The following BLTP1 variants were observed in gnomAD, a reference collection of about 807,000 sequenced individuals.
BLTP1 encodes the protein bridge-like lipid transfer protein family member 1.
the BLTP1 span, chr4:122,219,276 C>G: frequency 6.4e-7 from 1 of 1,566,184 alleles, no homozygotes; most frequent in Non-Finnish European, 8.6e-7. Flanking sequence ...AATTTAGGCT[C>G]ATAGGTGAAA....
the BLTP1 span, chr4:122,162,542 A>G: frequency 3.0e-6 from 3 of 985,284 alleles, no homozygotes; most frequent in African/African-American, 5.2e-5. Flanking sequence ...AGTTAATCAA[A>G]TCTTGCTGAG....
the BLTP1 span, chr4:122,211,221 T>C: frequency 3.7e-6 from 3 of 812,474 alleles, no homozygotes; most frequent in South Asian, 1.8e-5. Flanking sequence ...ATACCAGATA[T>C]GTTGACTGGA....
At chr4:122,276,072 A>G in the BLTP1 span, 1 of 1,431,486 alleles carries the variant, frequency 7.0e-7, no homozygotes, top group Admixed American at 2.5e-5. Flanking sequence ...GTAGTATTGA[A>G]TAGTTTTTAA....
chr4:122,298,572 T>C, the BLTP1 span: 1 of 761,206 alleles, frequency 1.3e-6, no homozygotes, highest in Non-Finnish European at 1.6e-6. Flanking sequence ...TATTCAGAAC[T>C]TTAAAAACAT....
chr4:122,348,627 G>A, the BLTP1 span: 1 of 1,611,134 alleles, frequency 6.2e-7, no homozygotes, highest in East Asian at 2.2e-5. Flanking sequence ...AGCCAACAAG[G>A]GACCCCATGG....
At chr4:122,198,540 C>T in the BLTP1 span, 1 of 684,398 alleles carries the variant, frequency 1.5e-6, no homozygotes, top group South Asian at 6.5e-5. Flanking sequence ...TATACAAATA[C>T]TGGTACACTG....
At chr4:122,291,311 T>C in the BLTP1 span, among the ~76,000 whole-genome samples, 1 of 152,330 alleles carries the variant, frequency 6.6e-6, no homozygotes, top group African/African-American at 2.4e-5. Context: ...TGATGGCGCA[T>C]AGGCATTCAG....
the BLTP1 span, chr4:122,281,590 A>G: frequency 1.9e-6 from 3 of 1,612,800 alleles, no homozygotes; most frequent in African/African-American, 4.0e-5. Context: ...AAAAAACCCC[A>G]ACAAGTGTTA....
the BLTP1 span, chr4:122,194,465 C>T: frequency 2.6e-6 from 2 of 764,540 alleles, no homozygotes; most frequent in Non-Finnish European, 3.2e-6. Flanking sequence ...TAAAATTTTC[C>T]TATAAGTCAT....
chr4:122,160,365 CTTG>C, the BLTP1 span, among the ~76,000 whole-genome samples: 55 of 152,118 alleles, frequency 3.6e-4, no homozygotes, highest in African/African-American at 1.2e-3. Context: ...AATTTTAGGC[CTTG>C]TTGTGTCATG....
the BLTP1 span, chr4:122,305,952 C>T: frequency 6.8e-6 from 11 of 1,611,684 alleles, no homozygotes; most frequent in Non-Finnish European, 9.3e-6. Flanking sequence ...AAATGCCCTC[C>T]GAGAAGAAAT....
chr4:122,349,244 G>A, the BLTP1 span: 2 of 1,613,630 alleles, frequency 1.2e-6, no homozygotes, highest in Non-Finnish European at 8.5e-7. This position sits in a 1 kb window ranked among gnomAD's most constrained non-coding sequence, Gnocchi z 4.5. Flanking sequence ...GTTGGTCTGG[G>A]AAGATCACAA....
chr4:122,288,772 A>C, the BLTP1 span: 1 of 562,884 alleles, frequency 1.8e-6, no homozygotes, highest in South Asian at 7.8e-5. Context: ...AGTAAATTTT[A>C]CTCTAGGAGA....
chr4:122,340,994 A>G, the BLTP1 span: 2 of 190,954 alleles, frequency 1.0e-5, no homozygotes, highest in Non-Finnish European at 1.9e-5. Context: ...TTTAAAATTT[A>G]AAGTATCATA....
chr4:122,333,606 T>C, the BLTP1 span: 7 of 1,561,632 alleles, frequency 4.5e-6, no homozygotes, highest in South Asian at 7.2e-5. Flanking sequence ...TTTAAAAAGA[T>C]AAGAACATTT....
chr4:122,328,334 G>C, the BLTP1 span: 10 of 1,609,362 alleles, frequency 6.2e-6, no homozygotes, highest in Non-Finnish European at 8.5e-6. Context: ...AGAGGGAAAG[G>C]TTTTATATTT....
At chr4:122,253,519 TCA>T in the BLTP1 span, among the ~76,000 whole-genome samples, 1 of 151,928 alleles carries the variant, frequency 6.6e-6, no homozygotes, top group African/African-American at 2.4e-5. Context: ...GAAGAATGCA[TCA>T]GAGTCTCTTA....
chr4:122,189,528 G>C, the BLTP1 span: 1 of 805,430 alleles, frequency 1.2e-6, no homozygotes, highest in South Asian at 5.7e-5. Context: ...AATGATTATA[G>C]TTTAATATAC....
At chr4:122,306,092 T>G in the BLTP1 span, 6 of 1,518,556 alleles carry the variant, frequency 4.0e-6, no homozygotes, top group Non-Finnish European at 5.3e-6. Flanking sequence ...TAGGAATGCT[T>G]TGTTAATGCT....
Sources: allele counts gnomAD v4.1 joint callset (sites outside exome capture counted in the v4.1 genomes callset), GRCh38; gene constraint gnomAD v4.1.1; non-coding constraint Gnocchi (gnomAD v3.1); transcripts MANE v1.5; gene names NCBI Gene and HGNC (gene_info 2026-07-23, HGNC 2026-07-21).